The following TMEM41B variants were observed in gnomAD, a reference collection of about 807,000 sequenced individuals.
The protein encoded by TMEM41B is protein stasimon.
Under a neutral mutation model 31.9 loss-of-function variants are expected in TMEM41B, and 18 were observed. That is an observed-to-expected ratio of 0.56 (90% confidence interval 0.39 to 0.84). The LOEUF (loss-of-function observed/expected upper bound fraction) is 0.84. TMEM41B is among the 40% of genes least tolerant of loss of function. The pLI, the probability that TMEM41B is intolerant of heterozygous loss-of-function variation, is 0.00. For missense variants in TMEM41B, 322 were observed against 348.0 expected, an observed-to-expected ratio of 0.93 and a Z score of 0.59; for synonymous variants, 144 against 124.3, an observed-to-expected ratio of 1.16 and a Z score of -1.05.
At chr11:9,305,377 T>C (rs1018090941) in intron 1 of TMEM41B, among the ~76,000 whole-genome samples, 15 of 152,122 alleles carry the variant, frequency 9.9e-5, no homozygotes, top group East Asian at 7.7e-4. Context: ...GGTGGGCAGA[T>C]TGCCTGAGGT....
At chr11:9,301,309 G>C (rs1179192328) in intron 1 of TMEM41B, among the ~76,000 whole-genome samples, 2 of 151,956 alleles carry the variant, frequency 1.3e-5, no homozygotes, top group African/African-American at 4.8e-5. Flanking sequence ...GCAGGAGAAT[G>C]GCATGAACCT....
chr11:9,287,406 T>C (rs1852860365), intron 5 of TMEM41B, among the ~76,000 whole-genome samples: 1 of 152,194 alleles, frequency 6.6e-6, no homozygotes, highest in Non-Finnish European at 1.5e-5. Context: ...AACAGATAGG[T>C]ATCTAATTAT....
chr11:9,299,325 T>TACGCAC lies in TMEM41B; in HGVS notation c.239+258_239+259insGTGCGT, dbSNP rs1554943936. Among the ~76,000 whole-genome samples the TACGCAC allele has an allele frequency of 4.9e-5, 6 of 123,150 alleles. No individual in the cohort carries two copies. In the East Asian group the frequency reaches 7.5e-4, roughly 15 times the overall value. The allele number at this position is 123,150 out of a possible 152,430, so 80.8% of individuals were successfully genotyped here. A position where few individuals can be genotyped will look rare whatever the true frequency, so the allele number is the denominator to read the frequency against. ...AAAAAAGAAAGTATATATACATACA[T>TACGCAC]ACACACACACACACACACACGTGTG... is the stretch of plus-strand genomic sequence containing the variant. On this transcript the variant is annotated intron_variant, in intron 2 of 6. Transcript: ENST00000528080.
At chr11:9,288,940 T>A (rs370634731) in intron 3 of TMEM41B, among the ~76,000 whole-genome samples, 1 of 152,134 alleles carries the variant, frequency 6.6e-6, no homozygotes, top group Non-Finnish European at 1.5e-5. Context: ...TTTAAAGGAA[T>A]AGGAACTACA....
At chr11:9,303,713 T>A (rs10770014) in intron 1 of TMEM41B, among the ~76,000 whole-genome samples, 1 of 145,980 alleles carries the variant, frequency 6.9e-6, no homozygotes, top group African/African-American at 2.5e-5. Flanking sequence ...TGTCGCCCAG[T>A]CTGGAGTGCA....
At position 9,283,118 on chromosome 11, in the gene TMEM41B, A is replaced by C. The variant is rs1450282252; in HGVS notation, c.*306T>G. The stretch of plus-strand genomic sequence containing the variant: ...AAAAAATATTCAATTAAATTGAATG[A>C]ATTAGCTGGATCAACAATTTCCTAC... On this transcript the variant is annotated 3_prime_UTR_variant, in exon 7 of 7. Coordinates refer to ENST00000528080, the MANE Select transcript of TMEM41B (RefSeq NM_015012.4). The C allele has an allele frequency of 5.4e-6, 1 of 184,180 alleles. No homozygotes were observed. The highest frequency in any genetic ancestry group is 2.3e-5 in the African/African-American group (1 of 42,792). The allele number at this position is 184,180 out of a possible 1,614,324, so 11.4% of individuals were successfully genotyped here. A position where few individuals can be genotyped will look rare whatever the true frequency, so the allele number is the denominator to read the frequency against.
intron 1 of TMEM41B, among the ~76,000 whole-genome samples, chr11:9,307,165 G>A (rs1166834987): frequency 6.6e-6 from 1 of 151,704 alleles, no homozygotes; most frequent in Non-Finnish European, 1.5e-5. Flanking sequence ...CAATGTCTAC[G>A]AGATCTTAGG....
intron 2 of TMEM41B, among the ~76,000 whole-genome samples, chr11:9,298,458 TCAA>T (rs1853153998): frequency 1.1e-5 from 1 of 90,258 alleles, no homozygotes; most frequent in Non-Finnish European, 2.2e-5. Flanking sequence ...AAACTCAGTC[TCAA>T]AAAAAAAAAA....
chr11:9,295,433 T>C (rs1488984448), intron 2 of TMEM41B, 46 bp from the exon 3 acceptor site: 2 of 1,171,222 alleles, frequency 1.7e-6, no homozygotes, highest in South Asian at 2.8e-5. Context: ...TTTGCCAAGA[T>C]AATATCAAAG....
At chr11:9,303,492 A>G (rs1219940905) in intron 1 of TMEM41B, among the ~76,000 whole-genome samples, 1 of 152,116 alleles carries the variant, frequency 6.6e-6, no homozygotes, top group Non-Finnish European at 1.5e-5. Flanking sequence ...CTGTTGAAAT[A>G]AGAATTGCTT....
intron 6 of TMEM41B, among the ~76,000 whole-genome samples, chr11:9,286,013 G>A (rs1181980321): frequency 6.6e-6 from 1 of 152,122 alleles, no homozygotes; most frequent in Non-Finnish European, 1.5e-5. Flanking sequence ...TCCTTGGGAG[G>A]CTGAGGCAGG....
intron 6 of TMEM41B, 67 bp downstream of exon 6, chr11:9,286,388 A>C: frequency 5.4e-6 from 8 of 1,489,038 alleles, no homozygotes; most frequent in Non-Finnish European, 7.2e-6. Context: ...CATGTAATCT[A>C]GCCCAGCTGG....
chr11:9,291,077 C>T (rs1440515911), intron 3 of TMEM41B, among the ~76,000 whole-genome samples: 1 of 152,130 alleles, frequency 6.6e-6, no homozygotes, highest in African/African-American at 2.4e-5. Context: ...GATCATGCCA[C>T]TGACCTCTGG....
chr11:9,299,737 T>A (rs202125569), intron 1 of TMEM41B, 36 bp from the exon 2 acceptor site: 470 of 1,404,028 alleles, frequency 3.3e-4, no homozygotes, highest in Middle Eastern at 5.7e-4. Flanking sequence ...AAGATAAATA[T>A]AAAGGAAGAC....
rs999648723 is a variant in TMEM41B at position 9,313,754 on chromosome 11, C to T, written c.121+567G>A. Among the ~76,000 whole-genome samples the T allele has an allele frequency of 7.9e-5, 12 of 152,236 alleles. No homozygotes were observed. In the South Asian group the frequency reaches 8.3e-4, roughly 11 times the overall value. ...GAATTATTTCGTTTAACCCACGCAC[C>T]ACCTATTAAGTAGATATTATTATTA... On this transcript the variant is annotated intron_variant, in intron 1 of 6. Coordinates refer to ENST00000528080, the MANE Select transcript of TMEM41B (RefSeq NM_015012.4).
rs201642864 is a variant in TMEM41B at position 9,300,843 on chromosome 11, A to AC, written c.122-1143dup. Among the ~76,000 whole-genome samples the AC allele has an allele frequency of 5.3e-3, 801 of 152,094 alleles. 31 individuals carry two copies. Among genetic ancestry groups the AC allele is most frequent in the Admixed American group, 0.05 (755 of 15,242 alleles). Reference sequence around the variant, plus strand: ...CAGTGTGCTGAGATCGCACCACTGCACTACAGCCTGGGCGACAAAGCAAGA... The same window carrying AC: ...CAGTGTGCTGAGATCGCACCACTGCACCTACAGCCTGGGCGACAAAGCAAGA... On this transcript the variant is annotated intron_variant, in intron 1 of 6. Coordinates refer to ENST00000528080, the MANE Select transcript of TMEM41B (RefSeq NM_015012.4).
intron 3 of TMEM41B, among the ~76,000 whole-genome samples, chr11:9,291,650 T>C (rs1174230402): frequency 6.6e-6 from 1 of 152,008 alleles, no homozygotes; most frequent in Non-Finnish European, 1.5e-5. Flanking sequence ...TCCACCCCGC[T>C]TGGCCTCCCA....
chr11:9,309,609 A>G (rs917115340), intron 1 of TMEM41B, among the ~76,000 whole-genome samples: 3 of 151,474 alleles, frequency 2.0e-5, no homozygotes, highest in African/African-American at 7.3e-5. Flanking sequence ...TAGACCAGGG[A>G]TCTGGATTAT....
At chr11:9,291,079 GA>G (rs1310948196) in intron 3 of TMEM41B, among the ~76,000 whole-genome samples, 8 of 152,054 alleles carry the variant, frequency 5.3e-5, no homozygotes, top group Non-Finnish European at 8.8e-5. Flanking sequence ...TCATGCCACT[GA>G]CCTCTGGCCT....
Sources: gnomAD v4.1 joint callset for allele counts (sites outside exome capture counted in the v4.1 genomes callset) on GRCh38, gnomAD v4.1.1 for gene constraint, MANE v1.5 for transcripts, NCBI Gene and HGNC (gene_info 2026-07-23, HGNC 2026-07-21) for gene names.